KIRREL3: variants seen among roughly 807,000 people sequenced by gnomAD.
KIRREL3 encodes kin of IRRE-like protein 3.
KIRREL3 carries 36 observed loss-of-function variants against 89.7 expected under a neutral mutation model. That is an observed-to-expected ratio of 0.40 (90% CI 0.31 to 0.53). The LOEUF (loss-of-function observed/expected upper bound fraction) is 0.53, where lower values mean the gene tolerates loss of function less well. Among genes scored for constraint, KIRREL3 ranks in the 20% least tolerant of loss-of-function variants. The pLI, the probability that KIRREL3 is intolerant of heterozygous loss-of-function variation, is 0.49. For synonymous variants in KIRREL3, 445 were observed against 441.4 expected (o/e 1.01, Z -0.10); for missense variants, 864 against 1,056.6 (o/e 0.82, Z 2.53).
At chr11:126,775,878 T>C (rs1443425664) in intron 1 of KIRREL3, among the ~76,000 whole-genome samples, 2 of 152,174 alleles carry the variant, frequency 1.3e-5, no homozygotes, top group African/African-American at 4.8e-5. Context: ...ACTGGCAATG[T>C]CCGTGCTCTT....
intron 1 of KIRREL3, among the ~76,000 whole-genome samples, chr11:126,944,646 G>T (rs931530124): frequency 1.3e-5 from 2 of 152,116 alleles, no homozygotes; most frequent in African/African-American, 4.8e-5. Flanking sequence ...ACTGGGCAAG[G>T]AAGCCCAAGT....
At chr11:126,799,996 A>G (rs1024887610) in intron 1 of KIRREL3, among the ~76,000 whole-genome samples, 17 of 152,154 alleles carry the variant, frequency 1.1e-4, no homozygotes, top group African/African-American at 2.7e-4. Flanking sequence ...AGTTCAATCA[A>G]TCAGGATCTC....
intron 2 of KIRREL3, among the ~76,000 whole-genome samples, chr11:126,543,459 C>T (rs1309610409): frequency 6.6e-6 from 1 of 152,196 alleles, no homozygotes; most frequent in South Asian, 2.1e-4. Flanking sequence ...TTAACTAACA[C>T]ATCCAGGGTC....
rs550032542 is a variant in KIRREL3, at chr11:126,771,024, T to C, written c.56-208112A>G. 6.6e-6 allele frequency among the ~76,000 whole-genome samples: 1 copy of C among 152,216 alleles called. No individual in the cohort carries two copies. Among genetic ancestry groups the C allele is most frequent in the Admixed American group, 6.5e-5 (1 of 15,298 alleles). On this transcript the variant is annotated intron_variant, in intron 1 of 16. Transcript: ENST00000525144. This position sits in a 1 kb window ranked among gnomAD's most constrained non-coding sequence, Gnocchi z 4.4. The stretch of plus-strand genomic sequence containing the variant: ...CTAATTTTTGCATTTTTAGTAGAGA[T>C]GGAGTTTTGCCATGTTGACCGGGCT...
intron 1 of KIRREL3, among the ~76,000 whole-genome samples, chr11:126,770,488 G>A (rs1949985880): frequency 6.6e-6 from 1 of 152,170 alleles, no homozygotes; most frequent in Non-Finnish European, 1.5e-5. Flanking sequence ...GATAATAATT[G>A]TCTGCAAATG....
rs1341122076 is a variant in KIRREL3, at chr11:126,442,328, A to T, written c.1253-1779T>A. ...AGACACACAAAACACACACACACAC[A>T]CACACACACACACACACACACACAC... On this transcript the variant is annotated intron_variant, in intron 10 of 16. Coordinates refer to ENST00000525144, the MANE Select transcript of KIRREL3 (RefSeq NM_032531.4). Among the ~76,000 whole-genome samples the T allele has an allele frequency of 7.8e-4, 91 of 116,486 alleles. 2 individuals are homozygous for T. Among genetic ancestry groups the T allele is most frequent in the Non-Finnish European group, 3.6e-5 (2 of 55,292 alleles). 76.4% of individuals were successfully genotyped at this position (116,486 alleles called of 152,430 possible).
rs1591427372 is a variant in KIRREL3 at position 126,985,396 on chromosome 11, C to T, written c.55+15059G>A. Among the ~76,000 whole-genome samples, 3 of 152,116 alleles carry T rather than the reference C, an allele frequency of 2.0e-5. No individual in the cohort carries two copies. Among genetic ancestry groups the T allele is most frequent in the Admixed American group, 1.3e-4 (2 of 15,266 alleles). On this transcript the variant is annotated intron_variant, in intron 1 of 16. Coordinates refer to ENST00000525144, the MANE Select transcript of KIRREL3 (RefSeq NM_032531.4). This position sits in a 1 kb window ranked among gnomAD's most constrained non-coding sequence, Gnocchi z 5.3. ...GAAGCTCACAATATGGAAGGGAAGG[C>T]GGACCAGAAACACTCCATGTGGATA...
At chr11:126,502,744 C>T (rs753505647) in intron 4 of KIRREL3, among the ~76,000 whole-genome samples, 11 of 152,236 alleles carry the variant, frequency 7.2e-5, no homozygotes, top group African/African-American at 1.4e-4. Context: ...TCTGGCTCTC[C>T]GATTTGCATC....
At position 126,454,554 on chromosome 11, in the gene KIRREL3, G is replaced by A. The variant is rs1376062985; in HGVS notation, c.848+1795C>T. ...GATATTTTCTGGGCATGTTGTACCT[G>A]GTGTTTAGGGACCAGGAGCAGAGAC... On this transcript the variant is annotated intron_variant, in intron 7 of 16. Coordinates refer to ENST00000525144, the MANE Select transcript of KIRREL3 (RefSeq NM_032531.4). The surrounding 1 kb of genome is among the most constrained non-coding windows in gnomAD (Gnocchi z 5.8). Among the ~76,000 whole-genome samples the A allele has an allele frequency of 6.6e-6, 1 of 152,180 alleles. No individual in the cohort carries two copies. Among genetic ancestry groups the A allele is most frequent in the Non-Finnish European group, 1.5e-5 (1 of 68,038 alleles).
At position 126,898,480 on chromosome 11, in the gene KIRREL3, A is replaced by G. The variant is rs528064684; in HGVS notation, c.55+101975T>C. ...GAAACCTGGAGATGCAACAAAACAG[A>G]ATGGATAATGAAATTTTGTGAATGC... On this transcript the variant is annotated intron_variant, in intron 1 of 16. Coordinates refer to ENST00000525144, the MANE Select transcript of KIRREL3 (RefSeq NM_032531.4). The surrounding 1 kb of genome is among the most constrained non-coding windows in gnomAD (Gnocchi z 4.9). Among the ~76,000 whole-genome samples, 1 of 152,344 alleles carries G rather than the reference A, an allele frequency of 6.6e-6. No homozygotes were observed. Among genetic ancestry groups the G allele is most frequent in the Admixed American group, 6.5e-5 (1 of 15,302 alleles).
At chr11:126,434,527 TGAG>T (rs1381775984) in intron 13 of KIRREL3, among the ~76,000 whole-genome samples, 2 of 152,196 alleles carry the variant, frequency 1.3e-5, no homozygotes, top group Non-Finnish European at 2.9e-5. Flanking sequence ...TGGAGCTTGT[TGAG>T]GAGGTAACAG....
chr11:126,613,885 TTTTTTTTTA>T (rs1943234889), intron 1 of KIRREL3, among the ~76,000 whole-genome samples: 1 of 109,102 alleles, frequency 9.2e-6, no homozygotes, highest in Admixed American at 1.1e-4. Flanking sequence ...TTTTTTTTTT[TTTTTTTTTA>T]TTTTTTTCCC....
chr11:126,744,895 G>A lies in KIRREL3; in HGVS notation c.56-181983C>T, dbSNP rs990196451. The stretch of plus-strand genomic sequence containing the variant: ...AAGTGCTAAAAAAAAAAAAAAAGGT[G>A]GGAAAAGTAGCTGAGAACTGGTTTA... On this transcript the variant is annotated intron_variant, in intron 1 of 16. Transcript: ENST00000525144. This position sits in a 1 kb window ranked among gnomAD's most constrained non-coding sequence, Gnocchi z 4.7. 6.6e-6 allele frequency among the ~76,000 whole-genome samples: 1 copy of A among 151,906 alleles called. No individual in the cohort carries two copies. Among genetic ancestry groups the A allele is most frequent in the Admixed American group, 6.6e-5 (1 of 15,254 alleles).
At position 126,844,953 on chromosome 11, in the gene KIRREL3, T is replaced by G. The variant is rs1209559613; in HGVS notation, c.55+155502A>C. Among the ~76,000 whole-genome samples the G allele has an allele frequency of 6.6e-6, 1 of 152,194 alleles. No individual in the cohort carries two copies. Among genetic ancestry groups the G allele is most frequent in the Non-Finnish European group, 1.5e-5 (1 of 68,040 alleles). On this transcript the variant is annotated intron_variant, in intron 1 of 16. Transcript: ENST00000525144. This position sits in a 1 kb window ranked among gnomAD's most constrained non-coding sequence, Gnocchi z 4.8. Reference sequence around the variant, plus strand: ...CTTACTCTGGCCTCTCTGAGCTCTCTGCCTTCCCCACCCTGCTGTGCACAA... The same window carrying G: ...CTTACTCTGGCCTCTCTGAGCTCTCGGCCTTCCCCACCCTGCTGTGCACAA...
intron 1 of KIRREL3, among the ~76,000 whole-genome samples, chr11:126,930,117 C>T (rs537156413): frequency 6.0e-5 from 9 of 150,574 alleles, no homozygotes; most frequent in Non-Finnish European, 1.3e-4. Flanking sequence ...AAAAAAAAAA[C>T]TCTTCACTCC....
Position 126,440,541 on chromosome 11 carries a change from T to G in KIRREL3, c.1261A>C (p.Ile421Leu). ...EVTLTVNGPP[I>L]ISSTQTQHAL... ...TGCTGGGTCTGGGTGCTGGAGATGATGGGGGGTCCTGTTGAGAAACAGCGT... is the reference window on the plus strand; with the variant it reads ...TGCTGGGTCTGGGTGCTGGAGATGAGGGGGGGTCCTGTTGAGAAACAGCGT... The change falls in exon 11 of 17, where the codon ATC (isoleucine) becomes CTC (leucine). Residue 421 changes from isoleucine to leucine, a missense_variant. Ile to Leu is a conservative substitution (Grantham distance 5). Transcript: ENST00000525144. The G allele has an allele frequency of 6.3e-7, 1 of 1,596,914 alleles. No homozygotes were observed. Among genetic ancestry groups the G allele is most frequent in the South Asian group, 1.1e-5 (1 of 87,646 alleles).
At position 126,550,394 on chromosome 11, in the gene KIRREL3, C is replaced by T. The variant is rs1939160294; in HGVS notation, c.133+12441G>A. ...AGAATATTAGTCGCACGCCTGTAAT[C>T]CCAGCACTTTGGGAGGCTGAGGCGG... is the stretch of plus-strand genomic sequence containing the variant. On this transcript the variant is annotated intron_variant, in intron 2 of 16. Coordinates refer to ENST00000525144, the MANE Select transcript of KIRREL3 (RefSeq NM_032531.4). The surrounding 1 kb of genome is among the most constrained non-coding windows in gnomAD (Gnocchi z 4.9). The T allele has an allele frequency of 6.6e-6, 1 of 152,252 alleles. No homozygotes were observed. The highest frequency in any genetic ancestry group is 2.1e-4 in the South Asian group (1 of 4,826). 9.4% of individuals were successfully genotyped at this position (152,252 alleles called of 1,614,324 possible). A position where few individuals can be genotyped will look rare whatever the true frequency, so the allele number is the denominator to read the frequency against.
chr11:126,456,039 GTTTTTTT>G (rs745805898), intron 7 of KIRREL3, among the ~76,000 whole-genome samples: 4 of 68,312 alleles, frequency 5.9e-5, no homozygotes, highest in African/African-American at 2.4e-4. Flanking sequence ...TTTTGTTTTC[GTTTTTTT>G]TTTTTTTTTT....
At position 126,603,376 on chromosome 11, in the gene KIRREL3, G is replaced by T. The variant is rs1210090050; in HGVS notation, c.56-40464C>A. On this transcript the variant is annotated intron_variant, in intron 1 of 16. Transcript: ENST00000525144. ...GAACCCTCATTCCCAATGAATGAGG[G>T]GGCAGAAGCTGCCTGGGAGCCTCAG... Among the ~76,000 whole-genome samples, 3 of 152,194 alleles carry T rather than the reference G, an allele frequency of 2.0e-5. No individual in the cohort carries two copies. In the South Asian group the frequency reaches 6.2e-4, roughly 32 times the overall value.
Sources: gnomAD v4.1 joint callset for allele counts (sites outside exome capture counted in the v4.1 genomes callset) on GRCh38, gnomAD v4.1.1 for gene constraint, Gnocchi (gnomAD v3.1) non-coding constraint, MANE v1.5 for transcripts, NCBI Gene and HGNC (gene_info 2026-07-23, HGNC 2026-07-21) for gene names.